Variants in GRM8 observed in about 807,000 individuals in gnomAD.
GRM8 encodes metabotropic glutamate receptor 8.
In GRM8, 47 loss-of-function variants were observed where a neutral mutation model predicts 87.2. That is an observed-to-expected ratio of 0.54 (90% confidence interval 0.43 to 0.69). The LOEUF (loss-of-function observed/expected upper bound fraction) is 0.69, where lower values mean the gene tolerates loss of function less well. Ranked by LOEUF, GRM8 falls within the 30% of genes least tolerant of loss-of-function variation. GRM8 has a pLI of 0.00. For missense variants in GRM8, 1,019 were observed against 1,139.2 expected (o/e 0.89, Z 1.52); for synonymous variants, 396 against 404.5 (o/e 0.98, Z 0.25).
intron 3 of GRM8, among the ~76,000 whole-genome samples, chr7:126,995,909 A>G (rs1586704643): frequency 6.6e-6 from 1 of 152,246 alleles, no homozygotes; most frequent in East Asian, 1.9e-4. Flanking sequence ...GACTACCTAA[A>G]GGCATTTAAT....
intron 8 of GRM8, among the ~76,000 whole-genome samples, chr7:126,556,642 G>C (rs1024849305): frequency 6.6e-6 from 1 of 151,966 alleles, no homozygotes; most frequent in African/African-American, 2.4e-5. Flanking sequence ...GCAAGACTCC[G>C]TCTTGAAAAA....
chr7:127,136,960 G>T (rs1827976282), intron 2 of GRM8, among the ~76,000 whole-genome samples: 2 of 151,898 alleles, frequency 1.3e-5, no homozygotes, highest in African/African-American at 4.8e-5. Flanking sequence ...TGAAAAAAAA[G>T]AATAATTGCA....
chr7:127,175,451 A>G (rs976872417), intron 2 of GRM8, among the ~76,000 whole-genome samples: 2 of 152,208 alleles, frequency 1.3e-5, no homozygotes, highest in African/African-American at 4.8e-5. Context: ...CAGAAGAAAT[A>G]CTTGAAAGTA....
At chr7:127,004,369 C>T (rs1391104306) in intron 3 of GRM8, among the ~76,000 whole-genome samples, 2 of 151,440 alleles carry the variant, frequency 1.3e-5, no homozygotes, top group Admixed American at 6.6e-5. Context: ...CTAAATTACT[C>T]ACTAGAGGAA....
At chr7:126,512,906 A>T (rs867939702) in intron 9 of GRM8, 1 of 152,062 alleles carries the variant, frequency 6.6e-6, no homozygotes, top group East Asian at 1.9e-4. Flanking sequence ...ACACCAACAA[A>T]AGCCAGATTA....
chr7:126,843,531 A>T (rs1299698871), intron 6 of GRM8, among the ~76,000 whole-genome samples: 1 of 152,242 alleles, frequency 6.6e-6, no homozygotes, highest in African/African-American at 2.4e-5. Context: ...CATGGCAAAG[A>T]TACAGCTGAA....
chr7:126,457,776 A>C (rs1803419770), intron 9 of GRM8, among the ~76,000 whole-genome samples: 1 of 151,006 alleles, frequency 6.6e-6, no homozygotes, highest in Non-Finnish European at 1.5e-5. Context: ...TCAATATAGA[A>C]GGAAGGAAAT....
intron 3 of GRM8, among the ~76,000 whole-genome samples, chr7:127,098,898 AT>A (rs1203543927): frequency 1.3e-5 from 2 of 152,216 alleles, no homozygotes; most frequent in African/African-American, 4.8e-5. Context: ...ATGATGACTG[AT>A]TAAAGAAGGT....
chr7:126,649,944 C>A (rs1284943001), intron 7 of GRM8, among the ~76,000 whole-genome samples: 1 of 152,206 alleles, frequency 6.6e-6, no homozygotes, highest in Admixed American at 6.5e-5. Flanking sequence ...CAGGCTCCCA[C>A]AGGTGAATCA....
chr7:126,561,202 G>A (rs1368308149), intron 8 of GRM8, among the ~76,000 whole-genome samples: 1 of 152,224 alleles, frequency 6.6e-6, no homozygotes, highest in Non-Finnish European at 1.5e-5. Flanking sequence ...GCCAGGCGCA[G>A]TGGCTCACAC....
chr7:126,539,369 T>C (rs773870962), intron 8 of GRM8, among the ~76,000 whole-genome samples: 6 of 152,024 alleles, frequency 3.9e-5, no homozygotes, highest in African/African-American at 9.7e-5. Context: ...ATTTCCCACA[T>C]TGATCTGCAT....
At chr7:126,639,372 C>T (rs900517149) in intron 7 of GRM8, among the ~76,000 whole-genome samples, 2 of 152,138 alleles carry the variant, frequency 1.3e-5, no homozygotes, top group African/African-American at 2.4e-5. Context: ...AAATTTATTT[C>T]CAGCAGTGTG....
intron 7 of GRM8, among the ~76,000 whole-genome samples, chr7:126,646,375 G>A (rs762922328): frequency 1.2e-4 from 18 of 152,060 alleles, no homozygotes; most frequent in South Asian, 4.2e-4. Context: ...AGCTACCACC[G>A]TATCTTTCTA....
intron 9 of GRM8, among the ~76,000 whole-genome samples, chr7:126,464,054 G>A (rs917366796): frequency 6.6e-6 from 1 of 151,570 alleles, no homozygotes; most frequent in Admixed American, 6.6e-5. Flanking sequence ...TTGAGCATTT[G>A]AGTATCTTCT....
chr7:126,679,777 C>A (rs1016138006), intron 7 of GRM8, among the ~76,000 whole-genome samples: 9 of 152,106 alleles, frequency 5.9e-5, no homozygotes, highest in African/African-American at 1.7e-4. Context: ...TGCTTGTAAT[C>A]CCAGCACTTT....
intron 7 of GRM8, among the ~76,000 whole-genome samples, chr7:126,767,511 T>C (rs923026876): frequency 6.6e-6 from 1 of 152,146 alleles, no homozygotes; most frequent in Admixed American, 6.6e-5. Flanking sequence ...GCTTCTATCA[T>C]ATAATGAAAA....
intron 8 of GRM8, among the ~76,000 whole-genome samples, chr7:126,586,829 T>C (rs903973611): frequency 6.6e-6 from 1 of 151,926 alleles, no homozygotes; most frequent in Non-Finnish European, 1.5e-5. Context: ...AATTGACAAA[T>C]GGGATCTAAT....
intron 3 of GRM8, among the ~76,000 whole-genome samples, chr7:127,097,834 C>T (rs7794734): frequency 0.19 from 28,631 of 152,186 alleles, 2,870 homozygotes; most frequent in Middle Eastern, 0.26. Context: ...CTGCATCAAA[C>T]TGCCATTGTT....
intron 7 of GRM8, among the ~76,000 whole-genome samples, chr7:126,630,809 G>A (rs1432619271): frequency 6.6e-6 from 1 of 151,998 alleles, no homozygotes; most frequent in Non-Finnish European, 1.5e-5. Flanking sequence ...ATGCAGAAAA[G>A]GCCTTTGATA....
Sources: gnomAD v4.1 joint callset for allele counts (sites outside exome capture counted in the v4.1 genomes callset) on GRCh38, gnomAD v4.1.1 for gene constraint, MANE v1.5 for transcripts, NCBI Gene and HGNC (gene_info 2026-07-23, HGNC 2026-07-21) for gene names.